The following PARD3 variants were observed in gnomAD, a reference collection of about 807,000 sequenced individuals.
PARD3 encodes partitioning defective 3 homolog.
Under a neutral mutation model 155.4 loss-of-function variants are expected in PARD3, and 75 were observed. The observed-to-expected ratio is 0.48, with a 90% CI of 0.40 to 0.58. The LOEUF (loss-of-function observed/expected upper bound fraction) is 0.58. Among genes scored for constraint, PARD3 ranks in the 20% least tolerant of loss-of-function variants. The pLI is 0.00. For synonymous variants in PARD3, 576 were observed against 610.5 expected (o/e 0.94, Z 0.83); for missense variants, 1,642 against 1,721.7 (o/e 0.95, Z 0.82).
Position 34,331,206 on chromosome 10 carries a change from C to T in PARD3, c.2744G>A (p.Gly915Asp), listed in dbSNP as rs750339236. 3.1e-6 allele frequency: 5 copies of T among 1,613,922 alleles called. No individual in the cohort carries two copies. The Admixed American group carries it at 8.3e-5, about 27-fold the overall frequency. ...FHRPRPRIIRGRGCNESFRAA... is the reference protein window; with the variant it reads ...FHRPRPRIIRDRGCNESFRAA... The stretch of plus-strand genomic sequence containing the variant: ...TCTGAAGCTCTCATTGCATCCCCTG[C>T]CTCTGATTATCCGCGGCCGTGGACG... The change falls in exon 19 of 25, where the codon GGC becomes GAC. Residue 915 changes from glycine (G) to aspartate (D), a missense_variant. By Grantham distance (94) the Gly-to-Asp change is moderately conservative (BLOSUM62 -1). This residue lies in a region of PARD3 where 1,529 missense variants were observed against 1,587.3 expected (regional missense o/e 0.96). Transcript: ENST00000374788.
At position 34,146,024 on chromosome 10, in the gene PARD3, C is replaced by T. The variant is rs562117081; in HGVS notation, c.3420-14441G>A. On this transcript the variant is annotated intron_variant, in intron 22 of 24. Transcript: ENST00000374788. Reference sequence around the variant, plus strand: ...GAAGAGAATCTAGCAATCTTTGGTGCGGGGTGCATAAGCTTGATTCTTGAC... The same window carrying T: ...GAAGAGAATCTAGCAATCTTTGGTGTGGGGTGCATAAGCTTGATTCTTGAC... Among the ~76,000 whole-genome samples the T allele has an allele frequency of 1.4e-4, 22 of 152,174 alleles. No homozygotes were observed. In the South Asian group the frequency reaches 2.9e-3, roughly 20 times the overall value.
intron 22 of PARD3, among the ~76,000 whole-genome samples, chr10:34,198,356 A>G (rs1014427126): frequency 6.6e-6 from 1 of 152,124 alleles, no homozygotes; most frequent in African/African-American, 2.4e-5. Context: ...TCAGCAAAAG[A>G]CAGATTTATC....
chr10:34,503,234 T>C (rs941678141), intron 3 of PARD3, among the ~76,000 whole-genome samples: 1 of 152,234 alleles, frequency 6.6e-6, no homozygotes, highest in Admixed American at 6.5e-5. Context: ...AAATAAATAC[T>C]TCTCAAGCTG....
intron 2 of PARD3, among the ~76,000 whole-genome samples, chr10:34,600,236 C>G (rs1045504892): frequency 4.0e-5 from 6 of 151,240 alleles, no homozygotes; most frequent in Non-Finnish European, 8.8e-5. Context: ...GTCCTAGCTA[C>G]TCAGGAGGTT....
At chr10:34,512,365 T>G (rs2081452297) in intron 3 of PARD3, among the ~76,000 whole-genome samples, 1 of 152,206 alleles carries the variant, frequency 6.6e-6, no homozygotes, top group Admixed American at 6.5e-5. Context: ...CATGTATTGC[T>G]GTTGCTATCT....
chr10:34,616,558 T>C (rs1346829595), intron 2 of PARD3, among the ~76,000 whole-genome samples: 1 of 152,196 alleles, frequency 6.6e-6, no homozygotes, highest in Non-Finnish European at 1.5e-5. Flanking sequence ...GCAACATGAA[T>C]GACCCTGGAG....
chr10:34,493,258 C>T (rs1174097729), intron 3 of PARD3, among the ~76,000 whole-genome samples: 1 of 152,026 alleles, frequency 6.6e-6, no homozygotes, highest in Non-Finnish European at 1.5e-5. Context: ...AGTAAATGCC[C>T]AAAAATGGAA....
At chr10:34,575,929 G>GTT (rs2086851883) in intron 2 of PARD3, among the ~76,000 whole-genome samples, 1 of 151,332 alleles carries the variant, frequency 6.6e-6, no homozygotes, top group Admixed American at 6.6e-5. Flanking sequence ...AGAAAATCAG[G>GTT]TATTTGAGCT....
In PARD3 at chr10:34,281,373, T is replaced by C. The variant is rs557613621; in HGVS notation, c.3176+2762A>G. 3.9e-5 allele frequency among the ~76,000 whole-genome samples: 6 copies of C among 152,248 alleles called. 1 individual carries two copies. The South Asian group carries it at 1.2e-3, about 32-fold the overall frequency. The stretch of plus-strand genomic sequence containing the variant: ...GTGCTCCAGAATGAGAAGTCAAAAA[T>C]AGCATGTCGGAAAACCTGTTAACTT... On this transcript the variant is annotated intron_variant, in intron 21 of 24. Transcript: ENST00000374788.
chr10:34,219,628 C>G (rs922392992), intron 22 of PARD3, among the ~76,000 whole-genome samples: 6 of 152,128 alleles, frequency 3.9e-5, no homozygotes, highest in African/African-American at 1.2e-4. Context: ...TTCTAGTTTG[C>G]AGGTGTTTCG....
At chr10:34,555,266 C>A (rs562561219) in intron 2 of PARD3, among the ~76,000 whole-genome samples, 1 of 152,254 alleles carries the variant, frequency 6.6e-6, no homozygotes, top group South Asian at 2.1e-4. Context: ...CTTCTGTAAA[C>A]CTAACATTGC....
intron 1 of PARD3, among the ~76,000 whole-genome samples, chr10:34,715,679 C>T (rs998304335): frequency 6.6e-6 from 1 of 152,236 alleles, no homozygotes; most frequent in Non-Finnish European, 1.5e-5. Flanking sequence ...TACCGTTTAT[C>T]ACCATGGTGA....
chr10:34,302,928 G>A (rs955909224), intron 20 of PARD3, among the ~76,000 whole-genome samples: 15 of 152,178 alleles, frequency 9.9e-5, no homozygotes, highest in Middle Eastern at 3.4e-3. Context: ...CACGTCTCCT[G>A]TATCCACCAC....
chr10:34,199,911 C>T (rs966923072), intron 22 of PARD3, among the ~76,000 whole-genome samples: 3 of 152,054 alleles, frequency 2.0e-5, no homozygotes, highest in Non-Finnish European at 4.4e-5. Flanking sequence ...AACAGAATAC[C>T]ACATCCATGA....
intron 5 of PARD3, among the ~76,000 whole-genome samples, chr10:34,404,930 G>A (rs1844279740): frequency 6.6e-6 from 1 of 151,966 alleles, no homozygotes; most frequent in Non-Finnish European, 1.5e-5. Context: ...CAAAAAACCA[G>A]GTGAGATAGT....
chr10:34,381,847 G>A (rs1254591328), intron 9 of PARD3, among the ~76,000 whole-genome samples: 18 of 145,194 alleles, frequency 1.2e-4, no homozygotes, highest in African/African-American at 4.4e-4. Flanking sequence ...GGGGTGTTGC[G>A]GGCTACGGTG....
intron 22 of PARD3, among the ~76,000 whole-genome samples, chr10:34,169,684 A>C (rs1317531383): frequency 6.6e-6 from 1 of 152,234 alleles, no homozygotes. Context: ...CATCTGTGAA[A>C]GTCTTTAAAA....
chr10:34,469,171 C>T (rs1321453746), intron 4 of PARD3, among the ~76,000 whole-genome samples: 9 of 152,170 alleles, frequency 5.9e-5, no homozygotes, highest in East Asian at 3.9e-4. Context: ...AGTGCAGCGG[C>T]GTGATCTCGG....
chr10:34,139,618 C>T (rs1417380175), intron 22 of PARD3, among the ~76,000 whole-genome samples: 2 of 152,054 alleles, frequency 1.3e-5, no homozygotes, highest in Non-Finnish European at 2.9e-5. Flanking sequence ...AAAGTGACTC[C>T]GGGAGAAACA....
Sources: gnomAD v4.1 joint callset for allele counts (sites outside exome capture counted in the v4.1 genomes callset) on GRCh38, gnomAD v4.1.1 for gene constraint, gnomAD v4.1.1 regional missense constraint, MANE v1.5 for transcripts, NCBI Gene and HGNC (gene_info 2026-07-23, HGNC 2026-07-21) for gene names.